TMOD3: variants seen among roughly 807,000 people sequenced by gnomAD.
The protein encoded by TMOD3 is tropomodulin-3.
Under a neutral mutation model 39.2 loss-of-function variants are expected in TMOD3, and 20 were observed. The observed-to-expected ratio is 0.51, with a 90% CI of 0.36 to 0.74. TMOD3 has a LOEUF of 0.74. TMOD3 is among the 30% of genes least tolerant of loss of function. The pLI is 0.00. For missense variants in TMOD3, 381 were observed against 412.8 expected, an observed-to-expected ratio of 0.92 and a Z score of 0.67; for synonymous variants, 143 against 145.8, an observed-to-expected ratio of 0.98 and a Z score of 0.14.
chr15:51,904,730 A>G (rs1160028582), intron 9 of TMOD3, among the ~76,000 whole-genome samples: 1 of 152,184 alleles, frequency 6.6e-6, no homozygotes, highest in East Asian at 1.9e-4. Flanking sequence ...AAGAAAAGAA[A>G]TGTCCAGTGT....
rs1595901228 is a variant in TMOD3 at position 51,875,164 on chromosome 15, A to T, written c.283+5791A>T. 8 of 152,318 alleles carry T rather than the reference A, an allele frequency of 5.3e-5. No homozygotes were observed. In the East Asian group the frequency reaches 1.5e-3, roughly 29 times the overall value. The allele number at this position is 152,318 out of a possible 1,614,324, so 9.4% of individuals were successfully genotyped here. ...AGTATGTGATTTCTTTGGAGGAAAG[A>T]CAGACCTGATCCCTTAGTAAACCAG... On this transcript the variant is annotated intron_variant, in intron 3 of 9. Transcript: ENST00000308580.
rs1343439051 is a variant in TMOD3, at chr15:51,890,342, T to TG, written c.496+1197_496+1198insG. On this transcript the variant is annotated intron_variant, in intron 5 of 9. Transcript: ENST00000308580. ...CACGCCACCTTGTCCAGCTAATTTT[T>TG]TTTTTTTTTTTTTTAGTAGAGATGG... is the stretch of plus-strand genomic sequence containing the variant. 1.1e-4 allele frequency among the ~76,000 whole-genome samples: 17 copies of TG among 149,946 alleles called. No homozygotes were observed. In the East Asian group the frequency reaches 3.3e-3, roughly 29 times the overall value.
At chr15:51,869,682 G>A (rs957362649) in intron 3 of TMOD3, among the ~76,000 whole-genome samples, 3 of 152,176 alleles carry the variant, frequency 2.0e-5, no homozygotes, top group Admixed American at 1.3e-4. Flanking sequence ...GTAGATTACA[G>A]AGTACAAATG....
chr15:51,893,877 G>C lies in TMOD3; in HGVS notation c.559G>C (p.Glu187Gln), dbSNP rs1481222197. 1.2e-6 allele frequency: 2 copies of C among 1,611,278 alleles called. No individual in the cohort carries two copies. Among genetic ancestry groups the C allele is most frequent in the Non-Finnish European group, 1.7e-6 (2 of 1,178,468 alleles). ...FDEPPNPTNV[E>Q]ESLKRTKEND... The stretch of plus-strand genomic sequence containing the variant: ...TGAGCCACCAAATCCAACCAATGTA[G>C]AAGAGAGTTTGAAGAGAACTAAAGA... The change falls in exon 6 of 10, where the codon GAA becomes CAA. Residue 187 changes from glutamate (E) to glutamine (Q), a missense_variant. By Grantham distance (29) the Glu-to-Gln change is conservative. Transcript: ENST00000308580.
intron 9 of TMOD3, 89 bp from the exon 10 acceptor site, chr15:51,908,687 A>G: frequency 1.0e-6 from 1 of 978,678 alleles, no homozygotes; most frequent in South Asian, 1.9e-5. Context: ...TTATAACTGG[A>G]TTATGCAGAA....
rs60102349 is a variant in TMOD3, at chr15:51,839,165, C to CT, written c.-75+9342dup. Among the ~76,000 whole-genome samples the CT allele has an allele frequency of 7.1e-4, 77 of 108,924 alleles. 3 individuals are homozygous for CT. Among genetic ancestry groups the CT allele is most frequent in the East Asian group, 2.8e-3 (10 of 3,546 alleles). The allele number at this position is 108,924 out of a possible 152,430, so 71.5% of individuals were successfully genotyped here. A position where few individuals can be genotyped will look rare whatever the true frequency, so the allele number is the denominator to read the frequency against. On this transcript the variant is annotated intron_variant, in intron 1 of 9. Transcript: ENST00000308580. ...ACAGCTAAGAAATAGGTGTATCTCT[C>CT]TTTTTTTTTTTTTCCATTTTGTTTG...
chr15:51,846,099 T>A (rs147083891), intron 1 of TMOD3, among the ~76,000 whole-genome samples: 1 of 150,764 alleles, frequency 6.6e-6, no homozygotes, highest in Non-Finnish European at 1.5e-5. Context: ...ATGGATTACT[T>A]GAGCCCAGGA....
chr15:51,874,493 A>G (rs922326944), intron 3 of TMOD3, among the ~76,000 whole-genome samples: 2 of 152,196 alleles, frequency 1.3e-5, no homozygotes, highest in African/African-American at 4.8e-5. Context: ...CAGGAGTGAA[A>G]GAGAGTATTC....
At chr15:51,895,086 A>G (rs906161567) in intron 6 of TMOD3, among the ~76,000 whole-genome samples, 3 of 152,180 alleles carry the variant, frequency 2.0e-5, no homozygotes, top group African/African-American at 7.2e-5. Flanking sequence ...GTCGAGGACA[A>G]GTGGAGGAGA....
intron 7 of TMOD3, chr15:51,898,884 CCT>C (rs902704239): frequency 1.3e-5 from 2 of 152,142 alleles, no homozygotes; most frequent in African/African-American, 4.8e-5. Context: ...CAGTCTCCCT[CCT>C]CTTTCTTTTT....
chr15:51,862,162 T>A (rs1291293504), intron 1 of TMOD3, among the ~76,000 whole-genome samples: 1 of 152,160 alleles, frequency 6.6e-6, no homozygotes, highest in African/African-American at 2.4e-5. Context: ...GAAATGATGA[T>A]GGTCCCTTCC....
chr15:51,848,097 T>C (rs2056344757), intron 1 of TMOD3, among the ~76,000 whole-genome samples: 1 of 152,218 alleles, frequency 6.6e-6, no homozygotes, highest in Non-Finnish European at 1.5e-5. Context: ...ACTCTGAATC[T>C]GCTGGTGTCT....
intron 5 of TMOD3, among the ~76,000 whole-genome samples, chr15:51,890,938 CT>C (rs367592242): frequency 4.7e-4 from 71 of 152,178 alleles, no homozygotes; most frequent in African/African-American, 1.5e-3. Context: ...AACCCTTCTA[CT>C]TTTTTTTCTT....
At position 51,910,855 on chromosome 15, in the gene TMOD3, G is replaced by A. The variant is rs1309194329; in HGVS notation, c.*2045G>A. On this transcript the variant is annotated 3_prime_UTR_variant, in exon 10 of 10. Transcript: ENST00000308580. ...AAAGGTTAACTTTGCACTATTCCCTGTCAGTTAAAGGCCACTGATATTTTT... is the reference window on the plus strand; with the variant it reads ...AAAGGTTAACTTTGCACTATTCCCTATCAGTTAAAGGCCACTGATATTTTT... 6.6e-6 allele frequency: 1 copy of A among 151,532 alleles called. No individual in the cohort carries two copies. Among genetic ancestry groups the A allele is most frequent in the Non-Finnish European group, 1.5e-5 (1 of 67,970 alleles). The allele number at this position is 151,532 out of a possible 1,614,324, so 9.4% of individuals were successfully genotyped here. A position where few individuals can be genotyped will look rare whatever the true frequency, so the allele number is the denominator to read the frequency against.
At chr15:51,903,018 T>G (rs1203958752) in intron 9 of TMOD3, among the ~76,000 whole-genome samples, 1 of 152,062 alleles carries the variant, frequency 6.6e-6, no homozygotes, top group Non-Finnish European at 1.5e-5. Flanking sequence ...TCTCTTGACC[T>G]CACGATCCAC....
In TMOD3 at chr15:51,877,945, G is replaced by C. The variant is rs551839224; in HGVS notation, c.283+8572G>C. ...GTTCCTCACATACATGTACCAGTCG[G>C]TGCTATGCTGAACACTCAGTGTGAC... On this transcript the variant is annotated intron_variant, in intron 3 of 9. Coordinates refer to ENST00000308580, the MANE Select transcript of TMOD3 (RefSeq NM_014547.5). 3.3e-5 allele frequency among the ~76,000 whole-genome samples: 5 copies of C among 152,168 alleles called. No homozygotes were observed. The South Asian group carries it at 1.0e-3, about 32-fold the overall frequency.
chr15:51,870,538 T>A (rs2056469918), intron 3 of TMOD3, among the ~76,000 whole-genome samples: 1 of 152,198 alleles, frequency 6.6e-6, no homozygotes, highest in Non-Finnish European at 1.5e-5. Context: ...GCCAGAACTG[T>A]GTCACATGGC....
At chr15:51,877,557 G>A (rs2056510956) in intron 3 of TMOD3, among the ~76,000 whole-genome samples, 1 of 152,052 alleles carries the variant, frequency 6.6e-6, no homozygotes, top group Non-Finnish European at 1.5e-5. Flanking sequence ...GCGGGCGCCT[G>A]TAATCCCAGC....
rs185204175 is a variant in TMOD3, at chr15:51,874,519, G to A, written c.283+5146G>A. On this transcript the variant is annotated intron_variant, in intron 3 of 9. Transcript: ENST00000308580. ...GAGAGTATTCATCCAGCTTGTTCTC[G>A]TTTGGAGAATGGTGAAAATTCTCAG... Among the ~76,000 whole-genome samples the A allele has an allele frequency of 1.1e-4, 16 of 152,316 alleles. No individual in the cohort carries two copies. In the East Asian group the frequency reaches 2.1e-3, roughly 20 times the overall value.
Sources: allele counts gnomAD v4.1 joint callset (sites outside exome capture counted in the v4.1 genomes callset), GRCh38; gene constraint gnomAD v4.1.1; transcripts MANE v1.5; gene names NCBI Gene and HGNC (gene_info 2026-07-23, HGNC 2026-07-21).